Variants in RPS6KC1 observed in about 807,000 individuals in gnomAD.
RPS6KC1 encodes ribosomal protein S6 kinase C1.
RPS6KC1 carries 54 observed loss-of-function variants against 103.8 expected under a neutral mutation model. The observed-to-expected ratio is 0.52, with a 90% CI of 0.42 to 0.65. The LOEUF is 0.65. Among genes scored for constraint, RPS6KC1 ranks in the 30% least tolerant of loss-of-function variants. RPS6KC1 has a pLI of 0.00. For missense variants in RPS6KC1, 1,151 were observed against 1,253.8 expected (o/e 0.92, Z 1.24); for synonymous variants, 439 against 438.7 (o/e 1.00, Z -0.01).
chr1:213,500,957 C>G, the RPS6KC1 span, among the ~76,000 whole-genome samples: 1 of 151,944 alleles, frequency 6.6e-6, no homozygotes, highest in African/African-American at 2.4e-5. Flanking sequence ...AAATACCTAG[C>G]AATAAACTTA....
At chr1:213,191,878 G>A (rs929272271) in intron 8 of RPS6KC1, among the ~76,000 whole-genome samples, 3 of 151,740 alleles carry the variant, frequency 2.0e-5, no homozygotes, top group African/African-American at 7.3e-5. Context: ...GCATGATCTC[G>A]GCTCACTGCA....
At chr1:213,728,790 T>G in the RPS6KC1 span, among the ~76,000 whole-genome samples, 1 of 152,056 alleles carries the variant, frequency 6.6e-6, no homozygotes, top group Non-Finnish European at 1.5e-5. Flanking sequence ...CTCCGCGCTC[T>G]TGGCTTTCCA....
chr1:213,264,768 A>G (rs905119225), intron 14 of RPS6KC1, among the ~76,000 whole-genome samples: 1 of 152,142 alleles, frequency 6.6e-6, no homozygotes, highest in Non-Finnish European at 1.5e-5. Flanking sequence ...CATAGAGGTC[A>G]CTTTAAAAAA....
the RPS6KC1 span, among the ~76,000 whole-genome samples, chr1:213,684,563 T>A: frequency 6.6e-6 from 1 of 152,168 alleles, no homozygotes; most frequent in African/African-American, 2.4e-5. Flanking sequence ...CAATTTTCCC[T>A]TGAGGAACTG....
chr1:213,849,562 C>T, the RPS6KC1 span, among the ~76,000 whole-genome samples: 1 of 152,090 alleles, frequency 6.6e-6, no homozygotes, highest in Non-Finnish European at 1.5e-5. Flanking sequence ...TTCCCTCATT[C>T]ATTTTTTCAA....
At chr1:213,698,757 A>G in the RPS6KC1 span, among the ~76,000 whole-genome samples, 1 of 152,224 alleles carries the variant, frequency 6.6e-6, no homozygotes, top group African/African-American at 2.4e-5. Context: ...GGGAACTGCA[A>G]TTATGTGAAT....
At chr1:213,073,860 G>A (rs1410390024) in intron 2 of RPS6KC1, among the ~76,000 whole-genome samples, 1 of 151,996 alleles carries the variant, frequency 6.6e-6, no homozygotes, top group Non-Finnish European at 1.5e-5. Context: ...ATTTTTAGTA[G>A]AGACGGGGTT....
the RPS6KC1 span, among the ~76,000 whole-genome samples, chr1:213,494,770 T>C: frequency 1.3e-5 from 2 of 152,072 alleles, no homozygotes; most frequent in African/African-American, 2.4e-5. Flanking sequence ...AAATATGTGA[T>C]AAAATTTTTT....
At chr1:213,254,070 T>C (rs957252262) in intron 12 of RPS6KC1, among the ~76,000 whole-genome samples, 4 of 152,216 alleles carry the variant, frequency 2.6e-5, no homozygotes, top group Admixed American at 6.5e-5. Context: ...TTCTATGAGG[T>C]GTTAAACATG....
chr1:213,262,268 C>G (rs557418567), intron 13 of RPS6KC1, among the ~76,000 whole-genome samples: 2 of 151,998 alleles, frequency 1.3e-5, no homozygotes, highest in Non-Finnish European at 2.9e-5. Context: ...GTAGATAATA[C>G]TGACCTAAGA....
At chr1:213,469,214 A>G in the RPS6KC1 span, among the ~76,000 whole-genome samples, 1 of 152,194 alleles carries the variant, frequency 6.6e-6, no homozygotes. Context: ...TTTAGAGTCA[A>G]TCAAAGCTGA....
intron 2 of RPS6KC1, among the ~76,000 whole-genome samples, chr1:213,075,981 A>T (rs80167837): frequency 0.022 from 3,374 of 152,260 alleles, 120 homozygotes; most frequent in African/African-American, 0.077. Flanking sequence ...TGCCCCTCTC[A>T]GCATTTTTCA....
the RPS6KC1 span, among the ~76,000 whole-genome samples, chr1:213,511,838 T>A: frequency 6.6e-6 from 1 of 152,180 alleles, no homozygotes; most frequent in Non-Finnish European, 1.5e-5. Context: ...GGCTCTATCA[T>A]TTTCCAGGCA....
the RPS6KC1 span, among the ~76,000 whole-genome samples, chr1:213,287,232 ATGTGTGTGTGTGTGTGTGTGTGTG>A: frequency 4.1e-5 from 6 of 146,730 alleles, no homozygotes; most frequent in Admixed American, 1.4e-4. Context: ...TGCCTATACA[ATGTGTGTGTGTGTGTGTGTGTGTG>A]TGTGTGTGTG....
the RPS6KC1 span, among the ~76,000 whole-genome samples, chr1:213,786,804 C>A: frequency 6.6e-6 from 1 of 152,072 alleles, no homozygotes; most frequent in Non-Finnish European, 1.5e-5. Context: ...AAATATCTCC[C>A]CAAATCTTCT....
intron 6 of RPS6KC1, among the ~76,000 whole-genome samples, chr1:213,131,759 T>G (rs2085658574): frequency 6.6e-6 from 1 of 152,218 alleles, no homozygotes; most frequent in Non-Finnish European, 1.5e-5. Flanking sequence ...TTGGGTTTTT[T>G]GTTTGCTAGT....
chr1:213,242,232 C>G lies in RPS6KC1; in HGVS notation c.2756C>G (p.Ala919Gly), dbSNP rs765844338. The change falls in exon 11 of 15, where the codon GCT (alanine) becomes GGT (glycine). Residue 919 changes from alanine to glycine, a missense_variant. This residue lies in a region of RPS6KC1 where 189 missense variants were observed against 228.8 expected (regional missense o/e 0.83). Coordinates refer to ENST00000366960, the MANE Select transcript of RPS6KC1 (RefSeq NM_012424.6). ...WAAEMVVALD[A>G]LHREGIVCRD... ...GCTGAAATGGTGGTAGCCCTTGATG[C>G]TTTACATAGAGAGGGAATTGTGTGC... The G allele has an allele frequency of 1.9e-6, 3 of 1,613,918 alleles. No homozygotes were observed. Among genetic ancestry groups the G allele is most frequent in the South Asian group, 2.2e-5 (2 of 91,070 alleles).
the RPS6KC1 span, among the ~76,000 whole-genome samples, chr1:213,774,336 G>A: frequency 1.3e-5 from 2 of 152,176 alleles, no homozygotes; most frequent in Admixed American, 6.5e-5. Context: ...ATCTGGGTAT[G>A]GATTCAGTGT....
the RPS6KC1 span, among the ~76,000 whole-genome samples, chr1:213,796,271 C>T: frequency 6.6e-6 from 1 of 152,176 alleles, no homozygotes; most frequent in Non-Finnish European, 1.5e-5. Context: ...ATTACGGTGA[C>T]TCGCTAACTT....
Sources: gnomAD v4.1 joint callset for allele counts (sites outside exome capture counted in the v4.1 genomes callset) on GRCh38, gnomAD v4.1.1 for gene constraint, gnomAD v4.1.1 regional missense constraint, MANE v1.5 for transcripts, NCBI Gene and HGNC (gene_info 2026-07-23, HGNC 2026-07-21) for gene names.